CACNB2: variants seen among roughly 807,000 people sequenced by gnomAD.
CACNB2 encodes the protein voltage-dependent L-type calcium channel subunit beta-2.
Under a neutral mutation model 73.3 loss-of-function variants are expected in CACNB2, and 42 were observed. The observed-to-expected ratio is 0.57, with a 90% confidence interval of 0.45 to 0.74. The LOEUF is 0.74. CACNB2 is among the 30% of genes least tolerant of loss of function. CACNB2 has a pLI of 0.00. For synonymous variants in CACNB2, 348 were observed against 310.3 expected, an observed-to-expected ratio of 1.12 and a Z score of -1.28; for missense variants, 940 against 853.0, an observed-to-expected ratio of 1.10 and a Z score of -1.27.
intron 2 of CACNB2, among the ~76,000 whole-genome samples, chr10:18,386,751 A>T (rs1287914455): frequency 1.3e-5 from 2 of 152,052 alleles, no homozygotes; most frequent in Non-Finnish European, 2.9e-5. Context: ...TATAGCTTTT[A>T]TGTTTTGGAG....
chr10:18,305,510 G>A (rs936899442), intron 2 of CACNB2, among the ~76,000 whole-genome samples: 2 of 152,144 alleles, frequency 1.3e-5, no homozygotes, highest in African/African-American at 2.4e-5. Context: ...TGCAATGAAC[G>A]TATCTTTTGA....
chr10:18,209,405 G>A (rs957132247), intron 2 of CACNB2, among the ~76,000 whole-genome samples: 11 of 152,044 alleles, frequency 7.2e-5, no homozygotes, highest in Non-Finnish European at 1.2e-4. Context: ...TCTATTTTTA[G>A]ACTTTTGCAG....
intron 2 of CACNB2, among the ~76,000 whole-genome samples, chr10:18,346,937 AC>A (rs1423920848): frequency 6.6e-6 from 1 of 152,068 alleles, no homozygotes; most frequent in African/African-American, 2.4e-5. Flanking sequence ...GAAAAACCTG[AC>A]CCGTGAAATC....
chr10:18,312,921 C>G (rs1051594245), intron 2 of CACNB2, among the ~76,000 whole-genome samples: 4 of 152,138 alleles, frequency 2.6e-5, no homozygotes, highest in African/African-American at 9.7e-5. Context: ...AAGAGAAGAG[C>G]AAGTGACTGC....
At chr10:18,287,517 A>G (rs2038855965) in intron 2 of CACNB2, among the ~76,000 whole-genome samples, 1 of 152,000 alleles carries the variant, frequency 6.6e-6, no homozygotes, top group Non-Finnish European at 1.5e-5. Context: ...GTGGTTTAAT[A>G]CAACAGAAAT....
chr10:18,323,715 G>A (rs546679845), intron 2 of CACNB2, among the ~76,000 whole-genome samples: 1 of 152,268 alleles, frequency 6.6e-6, no homozygotes, highest in East Asian at 1.9e-4. Context: ...TACTTGGAAT[G>A]TCCTAATGAA....
intron 3 of CACNB2, among the ~76,000 whole-genome samples, chr10:18,487,843 A>AAG (rs2049148886): frequency 6.7e-6 from 1 of 150,204 alleles, no homozygotes. Context: ...CATCTCAAAA[A>AAG]AAAAAAAAAA....
intron 2 of CACNB2, among the ~76,000 whole-genome samples, chr10:18,228,965 C>T (rs1445566717): frequency 1.3e-5 from 2 of 152,156 alleles, no homozygotes; most frequent in African/African-American, 4.8e-5. Flanking sequence ...TGGTCTCGAA[C>T]TCCTGACCTC....
chr10:18,502,174 G>A (rs984493052), intron 5 of CACNB2, among the ~76,000 whole-genome samples: 2 of 152,240 alleles, frequency 1.3e-5, no homozygotes, highest in African/African-American at 4.8e-5. Context: ...GGGCATGGTG[G>A]CGGGAGCCTG....
chr10:18,481,849 A>G (rs1487498943), intron 3 of CACNB2, among the ~76,000 whole-genome samples: 1 of 152,204 alleles, frequency 6.6e-6, no homozygotes, highest in Non-Finnish European at 1.5e-5. Flanking sequence ...AGCCATTACA[A>G]CTGACATGAA....
intron 2 of CACNB2, among the ~76,000 whole-genome samples, chr10:18,208,756 T>C (rs900577510): frequency 6.6e-6 from 1 of 152,192 alleles, no homozygotes; most frequent in Non-Finnish European, 1.5e-5. Context: ...TGTAGTCATC[T>C]CAGCTACTGG....
intron 2 of CACNB2, among the ~76,000 whole-genome samples, chr10:18,219,338 G>A (rs150483183): frequency 1.3e-5 from 2 of 152,304 alleles, no homozygotes; most frequent in African/African-American, 4.8e-5. Flanking sequence ...ATTTGAGCTG[G>A]TGATGAAAAA....
At chr10:18,159,983 AG>A (rs1210708792) in intron 2 of CACNB2, among the ~76,000 whole-genome samples, 1 of 152,248 alleles carries the variant, frequency 6.6e-6, no homozygotes, top group Non-Finnish European at 1.5e-5. Flanking sequence ...TAAAGATATC[AG>A]TATAAAAATA....
At chr10:18,501,056 G>A in intron 5 of CACNB2, 108 bp downstream of exon 5, 1 of 1,111,216 alleles carries the variant, frequency 9.0e-7, no homozygotes, top group African/African-American at 1.6e-5. Flanking sequence ...CAAGGAGGCT[G>A]GTAATATGGT....
At chr10:18,456,542 A>C (rs1262968360) in intron 3 of CACNB2, among the ~76,000 whole-genome samples, 1 of 152,180 alleles carries the variant, frequency 6.6e-6, no homozygotes, top group Non-Finnish European at 1.5e-5. Context: ...TAAACCATTC[A>C]TAGGCCACCC....
At chr10:18,485,407 A>T (rs2049002825) in intron 3 of CACNB2, among the ~76,000 whole-genome samples, 1 of 152,140 alleles carries the variant, frequency 6.6e-6, no homozygotes, top group South Asian at 2.1e-4. Context: ...TTCCTATATA[A>T]GACTTGATAG....
rs562198496 is a variant in CACNB2, at chr10:18,202,653, C to T, written c.213+51678C>T. 2.0e-4 allele frequency among the ~76,000 whole-genome samples: 31 copies of T among 152,204 alleles called. 1 individual carries two copies. Among genetic ancestry groups the T allele is most frequent in the Admixed American group, 1.5e-3 (23 of 15,286 alleles). On this transcript the variant is annotated intron_variant, in intron 2 of 13. Transcript: ENST00000324631. ...ACAGAGTAATTTCTCAGTCATTGGC[C>T]GCCCAATGGCATGAATTGAAAAGGT...
In CACNB2 at chr10:18,513,311, T is replaced by A. The variant is rs79639388; in HGVS notation, c.671-925T>A. ...GCTTGGCTCATGAGGCACCTACTTA[T>A]TGAGTTTTTTCACCTTTCCGATTTG... On this transcript the variant is annotated intron_variant, in intron 6 of 13. Coordinates refer to ENST00000324631, the MANE Select transcript of CACNB2 (RefSeq NM_201596.3). 830 of 161,490 alleles carry A rather than the reference T, an allele frequency of 5.1e-3. 8 individuals carry two copies. Among genetic ancestry groups the A allele is most frequent in the African/African-American group, 0.019 (782 of 41,782 alleles). The allele number at this position is 161,490 out of a possible 1,614,324, so 10.0% of individuals were successfully genotyped here. A position where few individuals can be genotyped will look rare whatever the true frequency, so the allele number is the denominator to read the frequency against.
intron 2 of CACNB2, among the ~76,000 whole-genome samples, chr10:18,267,707 A>G (rs1157423069): frequency 1.3e-5 from 2 of 152,210 alleles, no homozygotes; most frequent in African/African-American, 4.8e-5. Flanking sequence ...GTGGTTGGCA[A>G]CCTCTGGGCA....
Sources: allele counts gnomAD v4.1 joint callset (sites outside exome capture counted in the v4.1 genomes callset), GRCh38; gene constraint gnomAD v4.1.1; transcripts MANE v1.5; gene names NCBI Gene and HGNC (gene_info 2026-07-23, HGNC 2026-07-21).